The following TAF3 variants were observed in gnomAD, a reference collection of about 807,000 sequenced individuals.
TAF3 encodes the protein transcription initiation factor TFIID subunit 3.
TAF3 carries 7 observed loss-of-function variants against 80.6 expected under a neutral mutation model. That is an observed-to-expected ratio of 0.09 (90% CI 0.05 to 0.16). The LOEUF is 0.16. Among genes scored for constraint, TAF3 ranks in the 10% least tolerant of loss-of-function variants. The pLI, the probability that TAF3 is intolerant of heterozygous loss-of-function variation, is 1.00. For synonymous variants in TAF3, 444 were observed against 446.1 expected, an observed-to-expected ratio of 1.00 and a Z score of 0.06; for missense variants, 921 against 1,140.2, an observed-to-expected ratio of 0.81 and a Z score of 2.77.
At chr10:7,984,239 G>A (rs184796587) in intron 4 of TAF3, among the ~76,000 whole-genome samples, 5 of 151,446 alleles carry the variant, frequency 3.3e-5, no homozygotes, top group East Asian at 1.9e-4. Flanking sequence ...TTTTTACCCC[G>A]GCACAATACT....
At chr10:7,991,761 C>T (rs556083715) in intron 4 of TAF3, among the ~76,000 whole-genome samples, 1 of 152,198 alleles carries the variant, frequency 6.6e-6, no homozygotes, top group South Asian at 2.1e-4. Context: ...TCATATAAAG[C>T]ATGGTGATTT....
chr10:7,837,416 G>T (rs1836862254), intron 2 of TAF3, among the ~76,000 whole-genome samples: 1 of 151,608 alleles, frequency 6.6e-6, no homozygotes, highest in African/African-American at 2.4e-5. Context: ...GTTGAGGCGG[G>T]CTGATCACTT....
At chr10:7,993,880 C>CTTTTTTT (rs953356058) in intron 4 of TAF3, among the ~76,000 whole-genome samples, 7 of 104,392 alleles carry the variant, frequency 6.7e-5, no homozygotes, top group South Asian at 3.7e-4. Flanking sequence ...AATATACAAT[C>CTTTTTTT]TTTTTTTTTT....
intron 2 of TAF3, among the ~76,000 whole-genome samples, chr10:7,913,202 C>T (rs1337378602): frequency 6.6e-6 from 1 of 152,114 alleles, no homozygotes; most frequent in East Asian, 1.9e-4. Flanking sequence ...CTTTAAAGGC[C>T]CTGTGTCTAC....
chr10:7,988,572 CAAAAAAAAAAAAAA>C (rs58825999), intron 4 of TAF3, among the ~76,000 whole-genome samples: 4,451 of 49,472 alleles, frequency 0.09, 304 homozygotes, highest in African/African-American at 0.29. Context: ...GACCCTGTCT[CAAAAAAAAAAAAAA>C]AAAAAAAAAA....
At chr10:7,873,868 C>G (rs1837290860) in intron 2 of TAF3, among the ~76,000 whole-genome samples, 1 of 152,178 alleles carries the variant, frequency 6.6e-6, no homozygotes, top group South Asian at 2.1e-4. Context: ...GAGACTGAAA[C>G]AAATGTTGAT....
intron 2 of TAF3, among the ~76,000 whole-genome samples, chr10:7,874,697 G>GT (rs901713483): frequency 5.0e-4 from 47 of 93,582 alleles, no homozygotes; most frequent in Admixed American, 1.2e-3. Flanking sequence ...TTTTGTCTTA[G>GT]TTTTTTTTTT....
chr10:7,905,774 TCGGGAGACTGAGGCAGGA>T (rs1837603231), intron 2 of TAF3, among the ~76,000 whole-genome samples: 3 of 152,066 alleles, frequency 2.0e-5, no homozygotes, highest in African/African-American at 7.2e-5. Context: ...TCCCAGCTAC[TCGGGAGACTGAGGCAGGA>T]GAATTGCTTG....
rs763737346 is a variant in TAF3 at position 7,964,033 on chromosome 10, T to A, written c.523T>A (p.Phe175Ile). The part of the protein sequence containing the change: ...EEEEIINDEN[F>I]LGKRPLDSPE... ...GGAAGAAATTATTAATGATGAGAAT[T>A]TCCTGGGCAAGAGACCACTGGATAG... The change falls in exon 3 of 7, where the codon TTC becomes ATC. Residue 175 changes from phenylalanine to isoleucine, a missense_variant. Physicochemically the swap from Phe to Ile is conservative, Grantham distance 21. This residue lies in a region of TAF3 where 743 missense variants were observed against 821.0 expected (regional missense o/e 0.90). Transcript: ENST00000344293. This position sits in a 1 kb window ranked among gnomAD's most constrained non-coding sequence, Gnocchi z 4.1. 1 of 1,614,048 alleles carries A rather than the reference T, an allele frequency of 6.2e-7. No individual in the cohort carries two copies. The highest frequency in any genetic ancestry group is 2.2e-5 in the East Asian group (1 of 44,872).
intron 4 of TAF3, among the ~76,000 whole-genome samples, chr10:8,001,134 C>T (rs970790782): frequency 6.6e-6 from 1 of 152,036 alleles, no homozygotes; most frequent in African/African-American, 2.4e-5. Context: ...ATTCTTTACC[C>T]CAGACCTTTA....
intron 2 of TAF3, among the ~76,000 whole-genome samples, chr10:7,856,372 C>T (rs568862205): frequency 1.4e-4 from 21 of 151,942 alleles, no homozygotes; most frequent in Non-Finnish European, 2.8e-4. Flanking sequence ...CCCAGCTACT[C>T]GGGAGGCCGA....
At chr10:7,904,834 T>C (rs1337329089) in intron 2 of TAF3, among the ~76,000 whole-genome samples, 1 of 152,080 alleles carries the variant, frequency 6.6e-6, no homozygotes, top group Non-Finnish European at 1.5e-5. Context: ...GGGCCGACCG[T>C]AACTGGCTGA....
At chr10:7,896,370 C>T (rs969575956) in intron 2 of TAF3, among the ~76,000 whole-genome samples, 3 of 152,156 alleles carry the variant, frequency 2.0e-5, no homozygotes. Context: ...TGCAACTACT[C>T]CCAGGAACTT....
rs1161252101 is a variant in TAF3, at chr10:8,014,741, G to A, written c.2780G>A (p.Arg927Gln). Reference protein sequence around the residue: ...KDKKHKKRKHRAH With the variant: ...KDKKHKKRKHQAH ...AAAAAGCACAAGAAGAGGAAGCATCGAGCCCACTGACGACTCCCGAGGGGC... is the reference window on the plus strand; with the variant it reads ...AAAAAGCACAAGAAGAGGAAGCATCAAGCCCACTGACGACTCCCGAGGGGC... The change falls in exon 7 of 7, where the codon CGA becomes CAA. Residue 927 changes from arginine to glutamine, a missense_variant. Physicochemically the swap from Arg to Gln is conservative, Grantham distance 43 (BLOSUM62 1). Coordinates refer to ENST00000344293, the MANE Select transcript of TAF3 (RefSeq NM_031923.4). 10 of 1,594,508 alleles carry A rather than the reference G, an allele frequency of 6.3e-6. No homozygotes were observed. The highest frequency in any genetic ancestry group is 2.3e-5 in the East Asian group (1 of 43,760).
intron 2 of TAF3, among the ~76,000 whole-genome samples, chr10:7,904,882 A>C (rs1837592844): frequency 6.6e-6 from 1 of 152,130 alleles, no homozygotes; most frequent in Non-Finnish European, 1.5e-5. Context: ...TAGGCTGCAC[A>C]CATGAACCCC....
chr10:7,855,000 G>A (rs985792989), intron 2 of TAF3, among the ~76,000 whole-genome samples: 3 of 152,132 alleles, frequency 2.0e-5, no homozygotes, highest in South Asian at 4.1e-4. Context: ...ACAGTGAAGG[G>A]GTTTTAAGGT....
At chr10:7,935,932 C>A (rs1837915202) in intron 2 of TAF3, among the ~76,000 whole-genome samples, 3 of 152,210 alleles carry the variant, frequency 2.0e-5, no homozygotes, top group Admixed American at 6.5e-5. Context: ...CTCGGGGAAG[C>A]CCTGCGTGGA....
At chr10:7,836,802 C>G (rs1340120039) in intron 2 of TAF3, among the ~76,000 whole-genome samples, 1 of 152,174 alleles carries the variant, frequency 6.6e-6, no homozygotes, top group Non-Finnish European at 1.5e-5. Context: ...CTGAACTGTC[C>G]TTATCCTCTA....
At chr10:7,862,724 T>G (rs1279925214) in intron 2 of TAF3, among the ~76,000 whole-genome samples, 1 of 152,226 alleles carries the variant, frequency 6.6e-6, no homozygotes, top group East Asian at 1.9e-4. Context: ...ACCTATTTAC[T>G]GTCATTGTAG....
Sources: allele counts gnomAD v4.1 joint callset (sites outside exome capture counted in the v4.1 genomes callset), GRCh38; gene constraint gnomAD v4.1.1; regional missense constraint gnomAD v4.1.1; non-coding constraint Gnocchi (gnomAD v3.1); transcripts MANE v1.5; gene names NCBI Gene and HGNC (gene_info 2026-07-23, HGNC 2026-07-21).